FHOD1: variants seen among roughly 807,000 people sequenced by gnomAD.
FHOD1 encodes FH1/FH2 domain-containing protein 1.
FHOD1 carries 89 observed loss-of-function variants against 111.6 expected under a neutral mutation model. That is an observed-to-expected ratio of 0.80 (90% confidence interval 0.67 to 0.95). FHOD1 has a LOEUF of 0.95. Ranked by LOEUF, FHOD1 falls within the 40% of genes least tolerant of loss-of-function variation. The pLI is 0.00. For missense variants in FHOD1, 1,446 were observed against 1,554.2 expected (o/e 0.93, Z 1.17); for synonymous variants, 618 against 639.0 (o/e 0.97, Z 0.50).
chr16:67,239,303 CAAGGGTGGGGG>C, intron 2 of FHOD1, 34 bp downstream of exon 2: 2 of 1,489,880 alleles, frequency 1.3e-6, no homozygotes, highest in Non-Finnish European at 1.9e-6. Flanking sequence ...TAGCCCCTGG[CAAGGGTGGGGG>C]TAACCTTGCC....
In FHOD1 at chr16:67,237,800, G is replaced by T. The variant is rs781429165; in HGVS notation, c.643-32C>A. Reference sequence around the variant, plus strand: ...AGAGAGGTCAGTACATATGAGTGGGGCTTAGGCCAGACCTGTGCCAGCTGT... The same window carrying T: ...AGAGAGGTCAGTACATATGAGTGGGTCTTAGGCCAGACCTGTGCCAGCTGT... On this transcript the variant is annotated intron_variant, in intron 6 of 21. Transcript: ENST00000258201. This position sits in a 1 kb window ranked among gnomAD's most constrained non-coding sequence, Gnocchi z 5.6. 1 of 1,582,048 alleles carries T rather than the reference G, an allele frequency of 6.3e-7. No homozygotes were observed. The highest frequency in any genetic ancestry group is 1.1e-5 in the South Asian group (1 of 90,382).
intron 1 of FHOD1, chr16:67,246,964 G>C (rs2034869959): frequency 3.8e-6 from 2 of 524,742 alleles, no homozygotes; most frequent in South Asian, 5.5e-5. Context: ...ACCTCCCCAG[G>C]TGCGCCTAAT....
chr16:67,241,899 G>T (rs2034678291), intron 1 of FHOD1, among the ~76,000 whole-genome samples: 2 of 152,216 alleles, frequency 1.3e-5, no homozygotes, highest in African/African-American at 4.8e-5. Flanking sequence ...TCCCAAGAGA[G>T]CAGAGAATGT....
rs1410859310 is a variant in FHOD1 at position 67,237,747 on chromosome 16, C to T, written c.664G>A (p.Ala222Thr). ...ACAAACACCAACAGCAGCTTCAGGGCTGTCTTCACCACCAAGCGGGACTGA... is the reference window on the plus strand; with the variant it reads ...ACAAACACCAACAGCAGCTTCAGGGTTGTCTTCACCACCAAGCGGGACTGA... ...ASLSRLVVKT[A>T]LKLLLVFVEY... Residue 222 changes from alanine (A) to threonine (T), a missense_variant, in exon 7 of 22, where the codon GCC becomes ACC. Around this residue, in one of 3 missense-constraint regions of FHOD1, gnomAD observed 234 missense variants for 327.4 expected, o/e 0.71. Coordinates refer to ENST00000258201, the MANE Select transcript of FHOD1 (RefSeq NM_013241.3). This position sits in a 1 kb window ranked among gnomAD's most constrained non-coding sequence, Gnocchi z 5.6. The T allele has an allele frequency of 6.2e-7, 1 of 1,614,182 alleles. No individual in the cohort carries two copies. Among genetic ancestry groups the T allele is most frequent in the African/African-American group, 1.3e-5 (1 of 75,038 alleles).
chr16:67,237,374 C>T lies in FHOD1; in HGVS notation c.858G>A (p.Ala286=), dbSNP rs752207424. The T allele has an allele frequency of 2.5e-6, 4 of 1,613,754 alleles. No individual in the cohort carries two copies. The highest frequency in any genetic ancestry group is 4.5e-5 in the East Asian group (2 of 44,856). ...AGAAGGAGTCCTGGTCCGGGAGCGCCGCCAGCGTCTGGAGGGCGGGGATAA... is the reference window on the plus strand; with the variant it reads ...AGAAGGAGTCCTGGTCCGGGAGCGCTGCCAGCGTCTGGAGGGCGGGGATAA... ...YTVTLINKTL[A]ALPDQDSFYD... is the part of the protein sequence containing the mutation. Residue 286 remains alanine, a synonymous_variant, in exon 9 of 22, where the codon GCG becomes GCA. Coordinates refer to ENST00000258201, the MANE Select transcript of FHOD1 (RefSeq NM_013241.3). This position sits in a 1 kb window ranked among gnomAD's most constrained non-coding sequence, Gnocchi z 5.6.
At position 67,231,567 on chromosome 16, in the gene FHOD1, G is replaced by C. The variant is rs771659014; in HGVS notation, c.2386-18C>G. On this transcript the variant is annotated intron_variant, in intron 15 of 21. Coordinates refer to ENST00000258201, the MANE Select transcript of FHOD1 (RefSeq NM_013241.3). The surrounding 1 kb of genome is among the most constrained non-coding windows in gnomAD (Gnocchi z 4.3). ...GCAATTTCCTGGTATGGGAGACCAG[G>C]GACTCTCAGACTACATGGTCATGAT... is the stretch of plus-strand genomic sequence containing the variant. 1.2e-6 allele frequency: 2 copies of C among 1,614,044 alleles called. No homozygotes were observed. The highest frequency in any genetic ancestry group is 4.5e-5 in the East Asian group (2 of 44,882).
chr16:67,246,389 C>CG (rs1197319895), intron 1 of FHOD1, among the ~76,000 whole-genome samples: 2 of 152,072 alleles, frequency 1.3e-5, no homozygotes, highest in Non-Finnish European at 2.9e-5. Context: ...GGGCTGCCTG[C>CG]GGGGGGCTGA....
chr16:67,231,380 G>C lies in FHOD1; in HGVS notation c.2506-31C>G, dbSNP rs755042411. ...AGGACCCTTTCTGAGCCTGGGCCTG[G>C]TTGGCTCCAGAACCCTGACTCCCCC... is the stretch of plus-strand genomic sequence containing the variant. On this transcript the variant is annotated intron_variant, in intron 16 of 21. Transcript: ENST00000258201. The surrounding 1 kb of genome is among the most constrained non-coding windows in gnomAD (Gnocchi z 4.3). 7 of 1,614,030 alleles carry C rather than the reference G, an allele frequency of 4.3e-6. No homozygotes were observed.
In FHOD1 at chr16:67,247,436, C is replaced by T. The variant is rs751798970; in HGVS notation, c.-26G>A. 2 of 1,608,974 alleles carry T rather than the reference C, an allele frequency of 1.2e-6. No homozygotes were observed. Among genetic ancestry groups the T allele is most frequent in the South Asian group, 1.1e-5 (1 of 90,712 alleles). On this transcript the variant is annotated 5_prime_UTR_variant, in exon 1 of 22. Transcript: ENST00000258201. ...GGCTCTGCGGCCGGCTCACGCAGCG[C>T]GCCTCCGAGTCCCGGCCCCAGTGCA...
rs1224984485 is a variant in FHOD1, at chr16:67,229,820, T to C, written c.3385A>G (p.Lys1129Glu). Residue 1129 changes from lysine to glutamate, a missense_variant, in exon 21 of 22, where the codon AAG becomes GAG. Coordinates refer to ENST00000258201, the MANE Select transcript of FHOD1 (RefSeq NM_013241.3). ...GACTTGCGGTTGCCGCGGGAACGCTTGCGTTCCCTAGCAGCTAAGGCACGA... is the reference window on the plus strand; with the variant it reads ...GACTTGCGGTTGCCGCGGGAACGCTCGCGTTCCCTAGCAGCTAAGGCACGA... ...SPRALAARER[K>E]RSRGNRKSLR... The C allele has an allele frequency of 1.9e-6, 3 of 1,614,202 alleles. No homozygotes were observed. In the Admixed American group the frequency reaches 5.0e-5, roughly 27 times the overall value.
rs1160854447 is a variant in FHOD1, at chr16:67,238,909, T to C, written c.367A>G (p.Ile123Val). ...GATGCTCTCACACACTCACCCAAGATAGCGTTGACCCTCACAGAGAGCTGG... is the reference window on the plus strand; with the variant it reads ...GATGCTCTCACACACTCACCCAAGACAGCGTTGACCCTCACAGAGAGCTGG... ...RTQLSVRVNA[I>V]LEKLYSSSGP... Residue 123 changes from isoleucine (I) to valine (V), a missense_variant, in exon 3 of 22, where the codon ATC becomes GTC. By Grantham distance (29) the Ile-to-Val change is conservative. Coordinates refer to ENST00000258201, the MANE Select transcript of FHOD1 (RefSeq NM_013241.3). The surrounding 1 kb of genome is among the most constrained non-coding windows in gnomAD (Gnocchi z 4.2). 6.2e-7 allele frequency: 1 copy of C among 1,614,056 alleles called. No homozygotes were observed. Among genetic ancestry groups the C allele is most frequent in the African/African-American group, 1.3e-5 (1 of 74,912 alleles).
At position 67,234,186 on chromosome 16, in the gene FHOD1, C is replaced by T. The variant is rs74771707; in HGVS notation, c.1517G>A (p.Arg506Gln). ...CTCTGGTGCAAGGCTTCGCTGGGCC[C>T]GGAGCAGGACACAGGGGGCAGGGCT... Reference protein sequence around the residue: ...PQSPAPCVLLRAQRSLAPEPK... With the variant: ...PQSPAPCVLLQAQRSLAPEPK... The change falls in exon 13 of 22, where the codon CGG becomes CAG. Residue 506 changes from arginine to glutamine, a missense_variant. Transcript: ENST00000258201. The T allele has an allele frequency of 1.1e-3, 1,737 of 1,549,088 alleles. 26 individuals carry two copies. In the African/African-American group the frequency reaches 0.021, roughly 19 times the overall value.
chr16:67,231,982 A>C lies in FHOD1; in HGVS notation c.2202+57T>G. On this transcript the variant is annotated intron_variant, in intron 14 of 21. Coordinates refer to ENST00000258201, the MANE Select transcript of FHOD1 (RefSeq NM_013241.3). This position sits in a 1 kb window ranked among gnomAD's most constrained non-coding sequence, Gnocchi z 4.3. ...ACCACCAGAGGGACAGGAAATGCCC[A>C]CCTACCAAAGGAGAAGGCCAGACCT... The C allele has an allele frequency of 6.3e-7, 1 of 1,599,100 alleles. No homozygotes were observed. The highest frequency in any genetic ancestry group is 8.5e-7 in the Non-Finnish European group (1 of 1,170,796).
At position 67,238,251 on chromosome 16, in the gene FHOD1, G is replaced by A. The variant is rs569278260; in HGVS notation, c.498C>T (p.Ile166=). The change falls in exon 5 of 22, where the codon ATC becomes ATT. Residue 166 remains isoleucine, a synonymous_variant. Transcript: ENST00000258201. This position sits in a 1 kb window ranked among gnomAD's most constrained non-coding sequence, Gnocchi z 4.2. ...TGTGGTCGGCAGCAGCACCCACACG[G>A]ATCAGGCAGCTCAGCCCCTCTGAAT... ...FVHSEGLSCL[I]RVGAAADHNY... The A allele has an allele frequency of 1.2e-6, 2 of 1,614,178 alleles. No homozygotes were observed. The highest frequency in any genetic ancestry group is 3.3e-5 in the Admixed American group (2 of 60,026).
At chr16:67,243,479 G>C (rs1484024645) in intron 1 of FHOD1, among the ~76,000 whole-genome samples, 1 of 151,892 alleles carries the variant, frequency 6.6e-6, no homozygotes, top group Non-Finnish European at 1.5e-5. Flanking sequence ...TTCCCAAAGT[G>C]CTGAGATTAC....
rs2034549006 is a variant in FHOD1, at chr16:67,237,828, C to T, written c.643-60G>A. ...TAGGCCAGACCTGTGCCAGCTGTTG[C>T]TGGGGAAGGGGAAGGGCTGCTGGGG... On this transcript the variant is annotated intron_variant, in intron 6 of 21. Transcript: ENST00000258201. The surrounding 1 kb of genome is among the most constrained non-coding windows in gnomAD (Gnocchi z 5.6). 6.6e-7 allele frequency: 1 copy of T among 1,515,742 alleles called. No individual in the cohort carries two copies. Among genetic ancestry groups the T allele is most frequent in the Admixed American group, 1.7e-5 (1 of 59,684 alleles). 93.9% of individuals were successfully genotyped at this position (1,515,742 alleles called of 1,614,324 possible). A position where few individuals can be genotyped will look rare whatever the true frequency, so the allele number is the denominator to read the frequency against.
At chr16:67,232,518 CAAAAAAAAA>C (rs988902359) in intron 13 of FHOD1, among the ~76,000 whole-genome samples, 61 of 48,626 alleles carry the variant, frequency 1.3e-3, no homozygotes, top group African/African-American at 4.0e-3. Flanking sequence ...GACTCTGTCT[CAAAAAAAAA>C]AAAAAAAAAA....
At position 67,238,078 on chromosome 16, in the gene FHOD1, G is replaced by T; in HGVS notation, c.598C>A (p.His200Asn). ...FVDGMLGVVA[H>N]SDTIQWLYTL... ...TACAGCCACTGAATAGTGTCACTGT[G>T]GGCCACCACCCCCAGCATTCCATCC... Residue 200 changes from histidine (H) to asparagine (N), a missense_variant, in exon 6 of 22, where the codon CAC becomes AAC. Physicochemically the swap from His to Asn is moderately conservative, Grantham distance 68. This residue lies in a region of FHOD1 where 234 missense variants were observed against 327.4 expected (regional missense o/e 0.71). Coordinates refer to ENST00000258201, the MANE Select transcript of FHOD1 (RefSeq NM_013241.3). The surrounding 1 kb of genome is among the most constrained non-coding windows in gnomAD (Gnocchi z 4.2). The T allele has an allele frequency of 7.4e-6, 12 of 1,614,190 alleles. No individual in the cohort carries two copies. The highest frequency in any genetic ancestry group is 1.0e-5 in the Non-Finnish European group (12 of 1,180,030).
At chr16:67,243,001 A>G (rs1379320203) in intron 1 of FHOD1, among the ~76,000 whole-genome samples, 1 of 151,426 alleles carries the variant, frequency 6.6e-6, no homozygotes, top group Admixed American at 6.6e-5. Context: ...TCTATTACAT[A>G]TATCTATTAT....
Sources: allele counts gnomAD v4.1 joint callset (sites outside exome capture counted in the v4.1 genomes callset), GRCh38; gene constraint gnomAD v4.1.1; regional missense constraint gnomAD v4.1.1; non-coding constraint Gnocchi (gnomAD v3.1); transcripts MANE v1.5; gene names NCBI Gene and HGNC (gene_info 2026-07-23, HGNC 2026-07-21).